Variants in PARG observed in about 807,000 individuals in gnomAD.
The protein encoded by PARG is poly(ADP-ribose) glycohydrolase.
PARG carries 35 observed loss-of-function variants against 113.0 expected under a neutral mutation model. The ratio of observed to expected loss-of-function variants is 0.31; its 90% confidence interval spans 0.24 to 0.41. PARG has a LOEUF of 0.41. PARG is among the 10% of genes least tolerant of loss of function. The probability of loss-of-function intolerance (pLI) is 1.00; values close to 1 mark genes in which losing one functional copy is unlikely to be tolerated. For synonymous variants in PARG, 330 were observed against 409.9 expected, an observed-to-expected ratio of 0.81 and a Z score of 2.36; for missense variants, 797 against 1,169.4, an observed-to-expected ratio of 0.68 and a Z score of 4.64.
At chr10:49,844,558 G>A (rs939907632) in intron 13 of PARG, among the ~76,000 whole-genome samples, 6 of 151,440 alleles carry the variant, frequency 4.0e-5, no homozygotes, top group African/African-American at 1.2e-4. Context: ...GGGAGGCAGA[G>A]GTTGCAGTGA....
At chr10:49,931,605 C>T (rs1458694118) in intron 4 of PARG, among the ~76,000 whole-genome samples, 1 of 151,598 alleles carries the variant, frequency 6.6e-6, no homozygotes. Context: ...CACTGGCCTT[C>T]CCCAACCCAC....
chr10:49,848,637 AG>A (rs1337578485), intron 13 of PARG, among the ~76,000 whole-genome samples: 3 of 151,176 alleles, frequency 2.0e-5, no homozygotes, highest in Non-Finnish European at 4.4e-5. Flanking sequence ...CACCATAAGT[AG>A]GGTTGATTGT....
Position 49,933,772 on chromosome 10 carries a change from C to G in PARG, c.676G>C (p.Glu226Gln), listed in dbSNP as rs1307012627. 2.8e-5 allele frequency: 45 copies of G among 1,613,616 alleles called. No individual in the cohort carries two copies. The African/African-American group carries it at 5.6e-4, about 20-fold the overall frequency. The change falls in exon 3 of 18, where the codon GAA becomes CAA. Residue 226 changes from glutamate to glutamine, a missense_variant. Around this residue, in one of 5 missense-constraint regions of PARG, gnomAD observed 284 missense variants for 306.1 expected, o/e 0.93. Transcript: ENST00000616448. ...LANAKQTTED[E>Q]QAREAKSHQK... ...TGGCTTTTGGCTTCTCTGGCCTGTT[C>G]ATCTTCTGTAGTCTGCTTTGCATTT...
In PARG at chr10:49,933,534, T is replaced by C; in HGVS notation, c.914A>G (p.Asp305Gly). The change falls in exon 3 of 18, where the codon GAT (aspartate) becomes GGT (glycine). Residue 305 changes from aspartate (D) to glycine (G), a missense_variant. Asp to Gly is a moderately conservative substitution (Grantham distance 94). Around this residue, in one of 5 missense-constraint regions of PARG, gnomAD observed 252 missense variants for 437.4 expected, o/e 0.58. Coordinates refer to ENST00000616448, the MANE Select transcript of PARG (RefSeq NM_003631.5). Reference sequence around the variant, plus strand: ...ACAACTATTTTTAGAATTATCCACATCCATCGGTGACTCGGGTTCACTTTC... The same window carrying C: ...ACAACTATTTTTAGAATTATCCACACCCATCGGTGACTCGGGTTCACTTTC... ...EKESEPESPMDVDNSKNSCQD... is the reference protein window; with the variant it reads ...EKESEPESPMGVDNSKNSCQD... 6.2e-6 allele frequency: 10 copies of C among 1,611,442 alleles called. No individual in the cohort carries two copies. Among genetic ancestry groups the C allele is most frequent in the African/African-American group, 1.3e-5 (1 of 74,976 alleles).
At position 49,918,969 on chromosome 10, in the gene PARG, C is replaced by T. The variant is rs184933059; in HGVS notation, c.1663-2978G>A. Among the ~76,000 whole-genome samples, 623 of 151,880 alleles carry T rather than the reference C, an allele frequency of 4.1e-3. 7 individuals are homozygous for T. Among genetic ancestry groups the T allele is most frequent in the African/African-American group, 0.014 (564 of 41,382 alleles). ...TTTTTTTTCTTCAAATATGGAGTTT[C>T]GCTCTTTGTTGCCCAGGCTGGAGTG... is the stretch of plus-strand genomic sequence containing the variant. On this transcript the variant is annotated intron_variant, in intron 6 of 17. Transcript: ENST00000616448.
In PARG at chr10:49,820,183, C is replaced by T; in HGVS notation, c.2758G>A (p.Glu920Lys). The T allele has an allele frequency of 6.5e-7, 1 of 1,547,328 alleles. No homozygotes were observed. Among genetic ancestry groups the T allele is most frequent in the Non-Finnish European group, 8.7e-7 (1 of 1,143,136 alleles). Residue 920 changes from glutamate (E) to lysine (K), a missense_variant, in exon 17 of 18, where the codon GAA becomes AAA. Physicochemically the swap from Glu to Lys is moderately conservative, Grantham distance 56 (BLOSUM62 1). Transcript: ENST00000616448. ...TACTTACCAACAGTGAGTTTCCTTT[C>T]AGTAAGGAAAATGTGCATGCTGTAA... ...DIYSMHIFLT[E>K]RKLTVGDVYK...
chr10:49,825,333 G>T (rs1844300166), intron 16 of PARG, among the ~76,000 whole-genome samples: 1 of 151,990 alleles, frequency 6.6e-6, no homozygotes, highest in Non-Finnish European at 1.5e-5. Context: ...CTCTAGAATG[G>T]TAACTCCCAA....
At chr10:49,835,875 A>C (rs1044216012) in intron 15 of PARG, among the ~76,000 whole-genome samples, 1 of 152,186 alleles carries the variant, frequency 6.6e-6, no homozygotes. Context: ...TGGTCCCATA[A>C]GATTATTATA....
intron 11 of PARG, among the ~76,000 whole-genome samples, chr10:49,863,101 T>G (rs1554836250): frequency 6.6e-6 from 1 of 151,212 alleles, no homozygotes; most frequent in African/African-American, 2.4e-5. Context: ...TCCCAGTAGG[T>G]CATCCTCTAC....
At chr10:49,868,298 T>A (rs1227768932) in intron 10 of PARG, among the ~76,000 whole-genome samples, 5 of 152,208 alleles carry the variant, frequency 3.3e-5, no homozygotes, top group Admixed American at 6.5e-5. Flanking sequence ...TACGTAGTCA[T>A]CTTTTTAACA....
chr10:49,910,297 T>A (rs1389042487), intron 7 of PARG, among the ~76,000 whole-genome samples: 2 of 152,212 alleles, frequency 1.3e-5, no homozygotes, highest in East Asian at 3.8e-4. Flanking sequence ...ATTTCTAAGT[T>A]GCAATAATCT....
intron 7 of PARG, among the ~76,000 whole-genome samples, chr10:49,889,993 G>A (rs1847689358): frequency 6.6e-6 from 1 of 152,118 alleles, no homozygotes; most frequent in Non-Finnish European, 1.5e-5. Flanking sequence ...ACGCAAACTG[G>A]GATGCAAGTA....
chr10:49,893,321 A>G (rs1160315121), intron 7 of PARG, among the ~76,000 whole-genome samples: 1 of 152,204 alleles, frequency 6.6e-6, no homozygotes, highest in East Asian at 1.9e-4. Context: ...GTGACAAATA[A>G]TATCAAGCAT....
intron 7 of PARG, among the ~76,000 whole-genome samples, chr10:49,903,826 G>A (rs1382710123): frequency 1.3e-5 from 2 of 151,846 alleles, no homozygotes; most frequent in African/African-American, 4.8e-5. Context: ...GTGGGCAGAG[G>A]CAAGGTCATG....
rs1389185438 is a variant in PARG, at chr10:49,941,946, C to G, written c.-221G>C. 9.4e-6 allele frequency: 9 copies of G among 959,446 alleles called. No homozygotes were observed. The highest frequency in any genetic ancestry group is 1.5e-5 in the Non-Finnish European group (9 of 614,926). The allele number at this position is 959,446 out of a possible 1,614,324, so 59.4% of individuals were successfully genotyped here. On this transcript the variant is annotated 5_prime_UTR_variant, in exon 1 of 18. Transcript: ENST00000616448. The stretch of plus-strand genomic sequence containing the variant: ...CACTGGCACCCCACCTGCCTCAATG[C>G]GCCGCTTTGATTCGGGATTCGTTCA...
In PARG at chr10:49,878,068, C is replaced by T. The variant is rs2941137; in HGVS notation, c.1988+1605G>A. 1.0e-3 allele frequency among the ~76,000 whole-genome samples: 159 copies of T among 152,238 alleles called. 3 individuals carry two copies. The South Asian group carries it at 0.029, about 28-fold the overall frequency. On this transcript the variant is annotated intron_variant, in intron 9 of 17. Transcript: ENST00000616448. Reference sequence around the variant, plus strand: ...AAGAAGTATCATGATCCCCCTGATACGGTGCACTGAGAAGGACACAGGATC... The same window carrying T: ...AAGAAGTATCATGATCCCCCTGATATGGTGCACTGAGAAGGACACAGGATC...
intron 11 of PARG, among the ~76,000 whole-genome samples, chr10:49,863,018 A>T (rs1362631295): frequency 6.6e-6 from 1 of 151,312 alleles, no homozygotes; most frequent in African/African-American, 2.4e-5. Context: ...GAAACTTTAT[A>T]GTATAGCTCT....
intron 7 of PARG, among the ~76,000 whole-genome samples, chr10:49,896,282 T>A (rs1848082329): frequency 6.6e-6 from 1 of 152,182 alleles, no homozygotes; most frequent in African/African-American, 2.4e-5. Context: ...TTGTTATTGT[T>A]GTTTTGTTTT....
chr10:49,934,023 C>T lies in PARG; in HGVS notation c.425G>A (p.Ser142Asn). The T allele has an allele frequency of 1.2e-6, 2 of 1,610,788 alleles. No homozygotes were observed. The highest frequency in any genetic ancestry group is 1.7e-6 in the Non-Finnish European group (2 of 1,177,020). Reference sequence around the variant, plus strand: ...CTGATGCTGGTTCAAATACTGTGTACTTTTTTCAGTGGGTGACTTATCAAG... The same window carrying T: ...CTGATGCTGGTTCAAATACTGTGTATTTTTTTCAGTGGGTGACTTATCAAG... ...LSLDKSPTEK[S>N]TQYLNQHQTA... is the part of the protein sequence containing the mutation. Residue 142 changes from serine to asparagine, a missense_variant, in exon 3 of 18, where the codon AGT (serine) becomes AAT (asparagine). Ser to Asn is a conservative substitution (Grantham distance 46). Coordinates refer to ENST00000616448, the MANE Select transcript of PARG (RefSeq NM_003631.5).
Sources: gnomAD v4.1 joint callset for allele counts (sites outside exome capture counted in the v4.1 genomes callset) on GRCh38, gnomAD v4.1.1 for gene constraint, gnomAD v4.1.1 regional missense constraint, MANE v1.5 for transcripts, NCBI Gene and HGNC (gene_info 2026-07-23, HGNC 2026-07-21) for gene names.